The following AZIN1 variants were observed in gnomAD, a reference collection of about 807,000 sequenced individuals.
The protein encoded by AZIN1 is antizyme inhibitor 1.
AZIN1 carries 12 observed loss-of-function variants against 47.4 expected under a neutral mutation model. That is an observed-to-expected ratio of 0.25 (90% CI 0.16 to 0.41). The LOEUF (loss-of-function observed/expected upper bound fraction) is 0.41. Ranked by LOEUF, AZIN1 falls within the 10% of genes least tolerant of loss-of-function variation. The pLI is 1.00. For synonymous variants in AZIN1, 155 were observed against 176.3 expected (o/e 0.88, Z 0.96); for missense variants, 410 against 532.4 (o/e 0.77, Z 2.26).
chr8:102,863,626 CCCG>C (rs371296627), intron 1 of AZIN1, among the ~76,000 whole-genome samples, 178 bp downstream of exon 1: 67,649 of 147,752 alleles, frequency 0.46, 15,608 homozygotes, highest in South Asian at 0.5. Flanking sequence ...GCCGCCCAGC[CCCG>C]CCGCCGCCGC....
At chr8:102,846,884 T>C (rs1299880697) in intron 2 of AZIN1, among the ~76,000 whole-genome samples, 1 of 152,188 alleles carries the variant, frequency 6.6e-6, no homozygotes, top group East Asian at 1.9e-4. Flanking sequence ...TTCTTGTCAC[T>C]ATAAATTAAG....
chr8:102,846,019 G>A (rs1812547297), intron 2 of AZIN1, among the ~76,000 whole-genome samples: 1 of 152,124 alleles, frequency 6.6e-6, no homozygotes, highest in Admixed American at 6.5e-5. Context: ...GGACTTAATT[G>A]TATCTCAGTT....
At chr8:102,828,982 C>T (rs1386526910) in intron 11 of AZIN1, among the ~76,000 whole-genome samples, 2 of 152,166 alleles carry the variant, frequency 1.3e-5, no homozygotes, top group Non-Finnish European at 2.9e-5. Flanking sequence ...GATACACAAA[C>T]GCCACTGCAT....
chr8:102,832,231 T>C (rs1350736254), intron 9 of AZIN1, among the ~76,000 whole-genome samples: 1 of 152,046 alleles, frequency 6.6e-6, no homozygotes, highest in African/African-American at 2.4e-5. Flanking sequence ...TGGACTGGAT[T>C]CTAAGCAAGG....
intron 6 of AZIN1, 158 bp from the exon 7 acceptor site, chr8:102,834,905 C>G: frequency 1.8e-6 from 1 of 558,900 alleles, no homozygotes; most frequent in Non-Finnish European, 3.1e-6. Flanking sequence ...TCTAATTACC[C>G]AAAAGTTACA....
In AZIN1 at chr8:102,827,341, A is replaced by C. The variant is rs575905523; in HGVS notation, c.*1226T>G. 1 of 152,286 alleles carries C rather than the reference A, an allele frequency of 6.6e-6. No homozygotes were observed. The highest frequency in any genetic ancestry group is 1.9e-4 in the East Asian group (1 of 5,196). The allele number at this position is 152,286 out of a possible 1,614,324, so 9.4% of individuals were successfully genotyped here. Reference sequence around the variant, plus strand: ...AACTCCCTTCCCCCAACCACCATAAAATTTTAGTAAGAAAAGAATTAAAAG... The same window carrying C: ...AACTCCCTTCCCCCAACCACCATAACATTTTAGTAAGAAAAGAATTAAAAG... On this transcript the variant is annotated 3_prime_UTR_variant, in exon 12 of 12. Transcript: ENST00000337198.
intron 1 of AZIN1, 99 bp downstream of exon 1, chr8:102,863,708 C>T (rs1174612338): frequency 6.6e-6 from 1 of 151,498 alleles, no homozygotes; most frequent in African/African-American, 2.4e-5. Flanking sequence ...GCTGCGGGGA[C>T]GTCTTAAGGG....
At chr8:102,863,592 C>G (rs1449070053) in intron 1 of AZIN1, among the ~76,000 whole-genome samples, 2 of 149,880 alleles carry the variant, frequency 1.3e-5, no homozygotes, top group South Asian at 4.2e-4. Flanking sequence ...CCAGCAGCCG[C>G]CCGAAGGTCC....
At position 102,836,351 on chromosome 8, in the gene AZIN1, A is replaced by G. The variant is rs1347835275; in HGVS notation, c.489T>C (p.Gly163=). 6.2e-7 allele frequency: 1 copy of G among 1,613,680 alleles called. No homozygotes were observed. Among genetic ancestry groups the G allele is most frequent in the Admixed American group, 1.7e-5 (1 of 59,988 alleles). ...TGCCAAACTTCATGTTACCCTCTTC[A>G]CCTCCAATATTATCTTCTGTTGCAA... ...LHIATEDNIG[G]EEGNMKFGTT... is the part of the protein sequence containing the mutation. Residue 163 remains glycine (G), a synonymous_variant, in exon 6 of 12, where the codon GGT becomes GGC. Coordinates refer to ENST00000337198, the MANE Select transcript of AZIN1 (RefSeq NM_148174.4).
chr8:102,828,706 C>G (rs778130521), intron 11 of AZIN1, 28 bp from the exon 12 acceptor site: 3 of 1,506,854 alleles, frequency 2.0e-6, no homozygotes, highest in Admixed American at 3.5e-5. Context: ...CAGCTAAATT[C>G]TCAGTTTAAG....
At chr8:102,833,243 T>C (rs539932002) in intron 8 of AZIN1, 25 bp from the exon 9 acceptor site, 62 of 1,594,060 alleles carry the variant, frequency 3.9e-5, no homozygotes, top group Non-Finnish European at 5.0e-5. Flanking sequence ...TGCCACAGTA[T>C]GGTTTCAATA....
intron 3 of AZIN1, 136 bp downstream of exon 3, chr8:102,843,414 TG>T: frequency 1.5e-6 from 1 of 662,966 alleles, no homozygotes; most frequent in African/African-American, 1.8e-5. Flanking sequence ...GGAGTGGGTG[TG>T]GGGGAGGAAG....
chr8:102,862,115 G>A (rs768034084), intron 1 of AZIN1, among the ~76,000 whole-genome samples: 8 of 152,056 alleles, frequency 5.3e-5, no homozygotes, highest in Non-Finnish European at 1.2e-4. Context: ...TGAGGGTGAT[G>A]GCGATGTTCT....
At chr8:102,835,510 C>G (rs1811762600) in intron 6 of AZIN1, 1 of 152,244 alleles carries the variant, frequency 6.6e-6, no homozygotes, top group Admixed American at 6.5e-5. Context: ...AGGCCAGGCA[C>G]AGAGGCTCAC....
intron 10 of AZIN1, 96 bp downstream of exon 10, chr8:102,829,725 T>G: frequency 1.0e-6 from 1 of 987,512 alleles, no homozygotes; most frequent in Non-Finnish European, 1.6e-6. Context: ...TTTTCCCCAT[T>G]CTAAGATGTT....
chr8:102,853,459 G>A (rs1157804483), intron 2 of AZIN1, among the ~76,000 whole-genome samples: 6 of 152,120 alleles, frequency 3.9e-5, no homozygotes, highest in Non-Finnish European at 8.8e-5. Context: ...CTGAAATCGC[G>A]CCACTGCACT....
intron 6 of AZIN1, 142 bp from the exon 7 acceptor site, chr8:102,834,889 T>C: frequency 1.7e-6 from 1 of 591,712 alleles, no homozygotes; most frequent in Non-Finnish European, 2.9e-6. Flanking sequence ...ATTAGAAGCA[T>C]TAGCTTCTAA....
In AZIN1 at chr8:102,832,890, T is replaced by G. The variant is rs1004318017; in HGVS notation, c.904+166A>C. On this transcript the variant is annotated intron_variant, in intron 9 of 11. Transcript: ENST00000337198. ...CTCCTGACCTTGTGATCCACCTGGC[T>G]CTGCCTCCCAAAGTGCTGGGATTAT... Among the ~76,000 whole-genome samples the G allele has an allele frequency of 2.0e-5, 3 of 152,172 alleles. No individual in the cohort carries two copies. In the East Asian group the frequency reaches 5.8e-4, roughly 29 times the overall value.
chr8:102,861,412 G>C (rs182828524), intron 1 of AZIN1, among the ~76,000 whole-genome samples: 1 of 151,384 alleles, frequency 6.6e-6, no homozygotes, highest in East Asian at 2.0e-4. Flanking sequence ...ATTTTTAGTA[G>C]AGATGGAGTT....
Sources: allele counts gnomAD v4.1 joint callset (sites outside exome capture counted in the v4.1 genomes callset), GRCh38; gene constraint gnomAD v4.1.1; transcripts MANE v1.5; gene names NCBI Gene and HGNC (gene_info 2026-07-23, HGNC 2026-07-21).